Variants in KCNH5 observed in about 807,000 individuals in gnomAD.
KCNH5 encodes voltage-gated delayed rectifier potassium channel KCNH5.
Under a neutral mutation model 96.1 loss-of-function variants are expected in KCNH5, and 46 were observed. That is an observed-to-expected ratio of 0.48 (90% CI 0.38 to 0.61). KCNH5 has a LOEUF of 0.61. KCNH5 is among the 20% of genes least tolerant of loss of function. The pLI is 0.00. For synonymous variants in KCNH5, 439 were observed against 449.8 expected (o/e 0.98, Z 0.30); for missense variants, 907 against 1,225.8 (o/e 0.74, Z 3.88).
At chr14:62,831,297 G>T (rs1595644158) in intron 8 of KCNH5, among the ~76,000 whole-genome samples, 1 of 152,218 alleles carries the variant, frequency 6.6e-6, no homozygotes, top group South Asian at 2.1e-4. Context: ...TATCAAATTT[G>T]CAGTATTTTC....
chr14:62,805,719 A>T (rs1435389572), intron 8 of KCNH5, among the ~76,000 whole-genome samples: 1 of 152,174 alleles, frequency 6.6e-6, no homozygotes, highest in African/African-American at 2.4e-5. Context: ...TGAGGATTTC[A>T]TAGTTACAAA....
chr14:62,908,909 C>T (rs190269339), intron 7 of KCNH5, among the ~76,000 whole-genome samples: 11 of 146,962 alleles, frequency 7.5e-5, no homozygotes, highest in Admixed American at 2.1e-4. Flanking sequence ...GGGATGCTGA[C>T]TCATTGACCT....
At chr14:62,897,857 G>A (rs1378231211) in intron 7 of KCNH5, among the ~76,000 whole-genome samples, 1 of 152,082 alleles carries the variant, frequency 6.6e-6, no homozygotes, top group African/African-American at 2.4e-5. Context: ...TTGAGGGGGA[G>A]GGGTGGTAAT....
intron 3 of KCNH5, among the ~76,000 whole-genome samples, chr14:63,003,230 G>A (rs1003056761): frequency 2.6e-5 from 4 of 151,350 alleles, no homozygotes; most frequent in African/African-American, 7.3e-5. Context: ...CCAAGCCACA[G>A]GGTCATATTT....
At chr14:62,746,377 G>A (rs541547323) in intron 10 of KCNH5, among the ~76,000 whole-genome samples, 1 of 152,246 alleles carries the variant, frequency 6.6e-6, no homozygotes, top group South Asian at 2.1e-4. Flanking sequence ...TTGCCCTCAA[G>A]TTGCACACCA....
intron 2 of KCNH5, among the ~76,000 whole-genome samples, chr14:63,008,896 A>G (rs979428175): frequency 6.6e-6 from 1 of 152,140 alleles, no homozygotes; most frequent in Non-Finnish European, 1.5e-5. Flanking sequence ...AATATTGTAC[A>G]TAATATTTTT....
intron 10 of KCNH5, among the ~76,000 whole-genome samples, chr14:62,755,412 A>G (rs1885600831): frequency 6.6e-6 from 1 of 152,176 alleles, no homozygotes; most frequent in Non-Finnish European, 1.5e-5. Flanking sequence ...TGATAGACCA[A>G]CAAGAAGTAA....
At chr14:62,852,225 C>T (rs995467891) in intron 7 of KCNH5, among the ~76,000 whole-genome samples, 4 of 152,230 alleles carry the variant, frequency 2.6e-5, no homozygotes, top group African/African-American at 9.6e-5. Flanking sequence ...ATGCAATTTA[C>T]AATCAATTAT....
chr14:62,906,421 A>G (rs1889028879), intron 7 of KCNH5, among the ~76,000 whole-genome samples: 1 of 152,218 alleles, frequency 6.6e-6, no homozygotes, highest in African/African-American at 2.4e-5. Flanking sequence ...TAAAGGAAAC[A>G]TAGAAGCTCA....
At chr14:62,880,145 G>A (rs1888463501) in intron 7 of KCNH5, among the ~76,000 whole-genome samples, 1 of 152,098 alleles carries the variant, frequency 6.6e-6, no homozygotes, top group Non-Finnish European at 1.5e-5. Flanking sequence ...TCCTACTTAT[G>A]CGTTCATAGT....
intron 6 of KCNH5, among the ~76,000 whole-genome samples, chr14:62,979,856 A>G (rs1056810922): frequency 6.6e-6 from 1 of 152,200 alleles, no homozygotes; most frequent in African/African-American, 2.4e-5. Flanking sequence ...ATAACACTGA[A>G]GAAGCAGAGC....
intron 7 of KCNH5, among the ~76,000 whole-genome samples, chr14:62,914,896 C>G (rs1321946681): frequency 6.6e-6 from 1 of 152,238 alleles, no homozygotes; most frequent in Non-Finnish European, 1.5e-5. Flanking sequence ...AGGCTGGAAG[C>G]GATTTCTCAA....
chr14:62,878,363 A>T (rs1888425867), intron 7 of KCNH5, among the ~76,000 whole-genome samples: 1 of 152,102 alleles, frequency 6.6e-6, no homozygotes, highest in East Asian at 1.9e-4. Context: ...TAAAATAAAA[A>T]AAGAAAAAAA....
chr14:62,988,717 T>C (rs764104868), intron 4 of KCNH5, among the ~76,000 whole-genome samples: 2 of 152,068 alleles, frequency 1.3e-5, no homozygotes, highest in Non-Finnish European at 2.9e-5. Flanking sequence ...GGGTATTAGA[T>C]ATGACACCAA....
intron 4 of KCNH5, among the ~76,000 whole-genome samples, chr14:62,992,040 C>CAT (rs1378651420): frequency 6.6e-6 from 1 of 151,980 alleles, no homozygotes; most frequent in African/African-American, 2.4e-5. Context: ...CATGTGTACA[C>CAT]ATTTTTTTAA....
chr14:62,858,922 C>T (rs532600531), intron 7 of KCNH5, among the ~76,000 whole-genome samples: 4 of 152,230 alleles, frequency 2.6e-5, no homozygotes, highest in South Asian at 4.2e-4. Context: ...TGCCTCAGGA[C>T]GATGGGGAAC....
At chr14:63,006,980 A>G (rs918909341) in intron 2 of KCNH5, among the ~76,000 whole-genome samples, 1 of 152,244 alleles carries the variant, frequency 6.6e-6, no homozygotes, top group African/African-American at 2.4e-5. Flanking sequence ...AAAAGCAGTA[A>G]GTAGCCAACA....
At chr14:62,937,210 T>C (rs1168115923) in intron 7 of KCNH5, among the ~76,000 whole-genome samples, 1 of 152,104 alleles carries the variant, frequency 6.6e-6, no homozygotes, top group African/African-American at 2.4e-5. Context: ...ACTCTCTTTC[T>C]CTCAAACCCT....
intron 7 of KCNH5, among the ~76,000 whole-genome samples, chr14:62,932,314 T>C (rs1294931613): frequency 6.6e-6 from 1 of 151,210 alleles, no homozygotes; most frequent in Non-Finnish European, 1.5e-5. Context: ...GAAAACACAA[T>C]GCTATGAGAA....
Sources: allele counts gnomAD v4.1 joint callset (sites outside exome capture counted in the v4.1 genomes callset), GRCh38; gene constraint gnomAD v4.1.1; transcripts MANE v1.5; gene names NCBI Gene and HGNC (gene_info 2026-07-23, HGNC 2026-07-21).